The following TBC1D22B variants were observed in gnomAD, a reference collection of about 807,000 sequenced individuals.
TBC1D22B encodes chromosome 6 open reading frame 197.
TBC1D22B carries 32 observed loss-of-function variants against 69.1 expected under a neutral mutation model. The observed-to-expected ratio is 0.46, with a 90% CI of 0.35 to 0.62. TBC1D22B has a LOEUF of 0.62. TBC1D22B is among the 20% of genes least tolerant of loss of function. TBC1D22B has a pLI of 0.00. For synonymous variants in TBC1D22B, 206 were observed against 229.8 expected, an observed-to-expected ratio of 0.90 and a Z score of 0.94; for missense variants, 462 against 630.9, an observed-to-expected ratio of 0.73 and a Z score of 2.87.
intron 6 of TBC1D22B, 28 bp downstream of exon 6, chr6:37,284,492 C>T (rs1409751932): frequency 6.5e-7 from 1 of 1,542,502 alleles, no homozygotes; most frequent in Non-Finnish European, 8.7e-7. Flanking sequence ...TGCCTCTTTG[C>T]TTACCAGTCA....
chr6:37,299,852 T>C (rs1216300472), intron 8 of TBC1D22B, among the ~76,000 whole-genome samples: 3 of 151,326 alleles, frequency 2.0e-5, no homozygotes, highest in African/African-American at 7.3e-5. Flanking sequence ...CTACCAAAAA[T>C]ACACAAATTA....
Position 37,257,953 on chromosome 6 carries a change from G to A in TBC1D22B, c.36G>A (p.Arg12=), listed in dbSNP as rs1203240973. 2.5e-6 allele frequency: 4 copies of A among 1,614,038 alleles called. No homozygotes were observed. The South Asian group carries it at 3.3e-5, about 13-fold the overall frequency. ...AGAACAGCAAGCAGTTTTGGAAGAG[G>A]AGCGCTAAGCTGCCGGGGAGGTGAG... ...AAENSKQFWK[R]SAKLPGSIQP... Residue 12 remains arginine, a synonymous_variant, in exon 1 of 13, where the codon AGG becomes AGA. Transcript: ENST00000373491.
At chr6:37,259,612 G>A (rs1301611059) in intron 1 of TBC1D22B, among the ~76,000 whole-genome samples, 1 of 152,110 alleles carries the variant, frequency 6.6e-6, no homozygotes, top group Non-Finnish European at 1.5e-5. Flanking sequence ...CTTTTTTAAA[G>A]CACTACTTTT....
intron 1 of TBC1D22B, among the ~76,000 whole-genome samples, chr6:37,258,853 A>G (rs1162328254): frequency 1.3e-5 from 2 of 152,102 alleles, no homozygotes; most frequent in Non-Finnish European, 2.9e-5. Flanking sequence ...TCTGCCAGCT[A>G]CAGTCTACTT....
rs781615810 is a variant in TBC1D22B, at chr6:37,282,168, T to C, written c.422-17T>C. On this transcript the variant is annotated splice_polypyrimidine_tract_variant and intron_variant, in intron 3 of 12. Transcript: ENST00000373491. ...TCCTCACACAGCCCGTTCTCTTTCT[T>C]TTTCAAATGATCTCAGGTGATACAT... 2.5e-6 allele frequency: 4 copies of C among 1,614,042 alleles called. 1 individual carries two copies. The South Asian group carries it at 4.4e-5, about 18-fold the overall frequency.
intron 2 of TBC1D22B, among the ~76,000 whole-genome samples, chr6:37,273,223 A>G (rs1292906830): frequency 1.3e-5 from 2 of 151,710 alleles, no homozygotes; most frequent in African/African-American, 2.4e-5. Flanking sequence ...AGCAAAGACA[A>G]CAGCCTAGAC....
Position 37,279,325 on chromosome 6 carries a change from A to G in TBC1D22B, c.135A>G (p.Lys45=). 1 of 1,606,084 alleles carries G rather than the reference A, an allele frequency of 6.2e-7. No homozygotes were observed. Among genetic ancestry groups the G allele is most frequent in the Admixed American group, 1.7e-5 (1 of 58,678 alleles). The change falls in exon 3 of 13, where the codon AAA becomes AAG. Residue 45 remains lysine, a synonymous_variant. Coordinates refer to ENST00000373491, the MANE Select transcript of TBC1D22B (RefSeq NM_017772.4). ...LTKNFIKERS[K]VNTVPLKNKK... ...GAAGTTTCATTAAAGAACGATCAAA[A>G]GTCAACACAGTTCCTCTGAAGAATA...
intron 9 of TBC1D22B, among the ~76,000 whole-genome samples, chr6:37,313,333 T>A (rs999968022): frequency 3.9e-5 from 6 of 152,030 alleles, no homozygotes; most frequent in Admixed American, 1.3e-4. Context: ...CTACAAAAAA[T>A]TTTAAAATTA....
At chr6:37,308,843 C>T (rs995417733) in intron 8 of TBC1D22B, among the ~76,000 whole-genome samples, 1 of 151,812 alleles carries the variant, frequency 6.6e-6, no homozygotes, top group African/African-American at 2.4e-5. Flanking sequence ...GGCATGGAGG[C>T]TCACACCTGT....
chr6:37,304,726 G>A (rs1326700245), intron 8 of TBC1D22B, among the ~76,000 whole-genome samples: 3 of 152,088 alleles, frequency 2.0e-5, no homozygotes, highest in Non-Finnish European at 4.4e-5. Flanking sequence ...ACATAAACAT[G>A]TGTCAAGACT....
In TBC1D22B at chr6:37,316,654, T is replaced by C. The variant is rs777437282; in HGVS notation, c.1166-49T>C. ...TGCTATTTTGGCTCCTGTGGCCCTT[T>C]CAGGGTCCAGTCCCCTAGGTTGATC... On this transcript the variant is annotated intron_variant, in intron 10 of 12. Coordinates refer to ENST00000373491, the MANE Select transcript of TBC1D22B (RefSeq NM_017772.4). The C allele has an allele frequency of 1.9e-6, 3 of 1,609,906 alleles. No individual in the cohort carries two copies. In the South Asian group the frequency reaches 3.3e-5, roughly 18 times the overall value.
chr6:37,297,536 C>T (rs1767421334), intron 8 of TBC1D22B, among the ~76,000 whole-genome samples: 1 of 152,190 alleles, frequency 6.6e-6, no homozygotes, highest in Non-Finnish European at 1.5e-5. Flanking sequence ...AATACCTGTG[C>T]TTGGCTTTAA....
chr6:37,282,187 G>A lies in TBC1D22B; in HGVS notation c.424G>A (p.Asp142Asn). The A allele has an allele frequency of 6.2e-7, 1 of 1,613,930 alleles. No homozygotes were observed. Among genetic ancestry groups the A allele is most frequent in the South Asian group, 1.1e-5 (1 of 91,074 alleles). Residue 142 changes from aspartate (D) to asparagine (N), a missense_variant and splice_region_variant, in exon 4 of 13, where the codon GAT (aspartate) becomes AAT (asparagine). By Grantham distance (23) the Asp-to-Asn change is conservative. This residue lies in a region of TBC1D22B where 237 missense variants were observed against 255.4 expected (regional missense o/e 0.93). Coordinates refer to ENST00000373491, the MANE Select transcript of TBC1D22B (RefSeq NM_017772.4). ...SDAQLSRNSSDTCLRNPLHKQ... is the reference protein window; with the variant it reads ...SDAQLSRNSSNTCLRNPLHKQ... ...CTTTCTTTTTCAAATGATCTCAGGT[G>A]ATACATGCCTGAGGAACCCACTCCA...
At chr6:37,258,588 A>G (rs192746592) in intron 1 of TBC1D22B, among the ~76,000 whole-genome samples, 2 of 152,178 alleles carry the variant, frequency 1.3e-5, no homozygotes, top group East Asian at 3.9e-4. Flanking sequence ...GATTTGTCCA[A>G]CCCCAAGTGA....
chr6:37,329,057 T>C (rs1415038907), intron 12 of TBC1D22B, among the ~76,000 whole-genome samples: 49 of 152,272 alleles, frequency 3.2e-4, no homozygotes. Flanking sequence ...AAAAAAGTTA[T>C]TTCATAACAC....
At chr6:37,270,447 T>C (rs113310810) in intron 2 of TBC1D22B, among the ~76,000 whole-genome samples, 12,007 of 152,042 alleles carry the variant, frequency 0.079, 644 homozygotes, top group Non-Finnish European at 0.12. Flanking sequence ...CGAGATGCCG[T>C]CTCAAAAAAA....
chr6:37,320,109 G>C (rs1768196329), intron 12 of TBC1D22B, among the ~76,000 whole-genome samples: 1 of 152,208 alleles, frequency 6.6e-6, no homozygotes, highest in African/African-American at 2.4e-5. Context: ...AGTTTTAGCA[G>C]ACCAGCAAAC....
Position 37,271,704 on chromosome 6 carries a change from A to G in TBC1D22B, c.113+2054A>G, listed in dbSNP as rs571061957. ...AAATATGCATTATCAGTATTTAAACATTTAAAAAATAACTTAGCTGAATAT... is the reference window on the plus strand; with the variant it reads ...AAATATGCATTATCAGTATTTAAACGTTTAAAAAATAACTTAGCTGAATAT... On this transcript the variant is annotated intron_variant, in intron 2 of 12. Coordinates refer to ENST00000373491, the MANE Select transcript of TBC1D22B (RefSeq NM_017772.4). 3.3e-5 allele frequency among the ~76,000 whole-genome samples: 5 copies of G among 152,366 alleles called. No individual in the cohort carries two copies. In the South Asian group the frequency reaches 1.0e-3, roughly 32 times the overall value.
intron 1 of TBC1D22B, among the ~76,000 whole-genome samples, chr6:37,264,443 G>A (rs1484275257): frequency 6.6e-6 from 1 of 152,170 alleles, no homozygotes; most frequent in Non-Finnish European, 1.5e-5. Context: ...GTCCTGAGTA[G>A]CTGGGATTAC....
Sources: allele counts gnomAD v4.1 joint callset (sites outside exome capture counted in the v4.1 genomes callset), GRCh38; gene constraint gnomAD v4.1.1; regional missense constraint gnomAD v4.1.1; transcripts MANE v1.5; gene names NCBI Gene and HGNC (gene_info 2026-07-23, HGNC 2026-07-21).